The following GSG1L variants were observed in gnomAD, a reference collection of about 807,000 sequenced individuals.
GSG1L encodes GSG1 like, also known as germ cell-specific gene 1-like protein.
A neutral mutation model predicts 42.1 loss-of-function variants in GSG1L; 24 were observed. That is an observed-to-expected ratio of 0.57 (90% confidence interval 0.41 to 0.80). The LOEUF is 0.80. Ranked by LOEUF, GSG1L falls within the 30% of genes least tolerant of loss-of-function variation. The pLI, the probability that GSG1L is intolerant of heterozygous loss-of-function variation, is 0.00. For missense variants in GSG1L, 445 were observed against 472.2 expected (o/e 0.94, Z 0.53); for synonymous variants, 215 against 203.5 (o/e 1.06, Z -0.48).
rs2082722645 is a variant in GSG1L, at chr16:27,789,098, G to A, written c.*2272C>T. ...GAGGATGGATGGAAGTCTGATACAA[G>A]GAAGGATGACAAGCAATCAATAGAA... On this transcript the variant is annotated 3_prime_UTR_variant, in exon 7 of 7. Transcript: ENST00000447459. The A allele has an allele frequency of 6.6e-6, 1 of 152,200 alleles. No individual in the cohort carries two copies. Among genetic ancestry groups the A allele is most frequent in the Admixed American group, 6.5e-5 (1 of 15,270 alleles). 9.4% of individuals were successfully genotyped at this position (152,200 alleles called of 1,614,324 possible). A position where few individuals can be genotyped will look rare whatever the true frequency, so the allele number is the denominator to read the frequency against.
intron 2 of GSG1L, among the ~76,000 whole-genome samples, chr16:27,896,418 A>G (rs1199611622): frequency 6.6e-6 from 1 of 152,196 alleles, no homozygotes; most frequent in African/African-American, 2.4e-5. Flanking sequence ...GACATGATTA[A>G]GATCTTGAGA....
At chr16:27,803,800 G>GATATATATATATATAGATATAT (rs1406574562) in intron 6 of GSG1L, among the ~76,000 whole-genome samples, 91 of 74,208 alleles carry the variant, frequency 1.2e-3, no homozygotes, top group African/African-American at 4.3e-3. Flanking sequence ...TATATAGATA[G>GATATATATATATATAGATATAT]ATAGATATAG....
At position 27,807,478 on chromosome 16, in the gene GSG1L, G is replaced by T. The variant is rs369998202; in HGVS notation, c.898+9C>A. 3 of 1,610,762 alleles carry T rather than the reference G, an allele frequency of 1.9e-6. No homozygotes were observed. Among genetic ancestry groups the T allele is most frequent in the Non-Finnish European group, 2.5e-6 (3 of 1,178,020 alleles). On this transcript the variant is annotated intron_variant, in intron 6 of 6. Coordinates refer to ENST00000447459, the MANE Select transcript of GSG1L (RefSeq NM_001109763.2). ...TGTCGTAGCAGATACCCACAAACAG[G>T]CCACTTACGGGCAGGGTATCTCTCG...
At chr16:28,062,558 C>T (rs2086354344) in intron 1 of GSG1L, among the ~76,000 whole-genome samples, 1 of 152,146 alleles carries the variant, frequency 6.6e-6, no homozygotes, top group African/African-American at 2.4e-5. Flanking sequence ...CTGGGAGGTT[C>T]GGCGTGGGTT....
chr16:27,957,147 G>T (rs988621232), intron 2 of GSG1L, among the ~76,000 whole-genome samples: 3 of 152,140 alleles, frequency 2.0e-5, no homozygotes, highest in Non-Finnish European at 2.9e-5. Context: ...TCAGGAGGTC[G>T]AGATCAGCCT....
At chr16:27,810,873 G>A (rs908634411) in intron 5 of GSG1L, among the ~76,000 whole-genome samples, 1 of 152,078 alleles carries the variant, frequency 6.6e-6, no homozygotes, top group Admixed American at 6.6e-5. Flanking sequence ...TTTTAGTAGA[G>A]ATGGGGGTCT....
At chr16:27,845,308 C>T (rs1382344571) in intron 3 of GSG1L, among the ~76,000 whole-genome samples, 1 of 152,190 alleles carries the variant, frequency 6.6e-6, no homozygotes, top group Non-Finnish European at 1.5e-5. Flanking sequence ...TGCAGTGGCA[C>T]GATCATAGCT....
chr16:27,823,321 A>T (rs1295926954), intron 5 of GSG1L, among the ~76,000 whole-genome samples: 3 of 152,160 alleles, frequency 2.0e-5, no homozygotes, highest in Admixed American at 2.0e-4. Flanking sequence ...GTGCACATGC[A>T]TACGCACACG....
At chr16:27,835,105 T>C (rs2083310044) in intron 4 of GSG1L, among the ~76,000 whole-genome samples, 1 of 152,170 alleles carries the variant, frequency 6.6e-6, no homozygotes, top group Non-Finnish European at 1.5e-5. Context: ...AAAGCCATAT[T>C]GAAATCTCTA....
chr16:27,823,906 G>T (rs1195970418), intron 5 of GSG1L: 3 of 702,786 alleles, frequency 4.3e-6, no homozygotes, highest in Non-Finnish European at 5.2e-6. Flanking sequence ...TCTGTGCCTC[G>T]ATTTGCCACC....
At chr16:27,985,457 C>T (rs897591789) in intron 1 of GSG1L, among the ~76,000 whole-genome samples, 1 of 152,218 alleles carries the variant, frequency 6.6e-6, no homozygotes, top group African/African-American at 2.4e-5. Flanking sequence ...TGATTGGAAA[C>T]TTCCTGCAGT....
chr16:27,823,739 C>T, intron 5 of GSG1L: 1 of 649,626 alleles, frequency 1.5e-6, no homozygotes, highest in Non-Finnish European at 2.8e-6. Context: ...ACTCCCTTTA[C>T]TCTCATTGTG....
At chr16:27,894,186 G>A (rs2084162909) in intron 2 of GSG1L, among the ~76,000 whole-genome samples, 1 of 152,230 alleles carries the variant, frequency 6.6e-6, no homozygotes, top group Non-Finnish European at 1.5e-5. Flanking sequence ...CTTCTCATCT[G>A]CAAATTGGGC....
chr16:27,811,680 G>T (rs958677435), intron 5 of GSG1L, among the ~76,000 whole-genome samples: 1 of 152,124 alleles, frequency 6.6e-6, no homozygotes, highest in Non-Finnish European at 1.5e-5. Context: ...ACGGAGTCTC[G>T]CTCTGTCGCC....
At chr16:27,929,735 A>T (rs2084634978) in intron 2 of GSG1L, among the ~76,000 whole-genome samples, 2 of 152,136 alleles carry the variant, frequency 1.3e-5, no homozygotes, top group African/African-American at 4.8e-5. Context: ...TGCTGCTGTT[A>T]CTGATACATC....
At chr16:27,813,669 G>A (rs773149131) in intron 5 of GSG1L, among the ~76,000 whole-genome samples, 15 of 152,226 alleles carry the variant, frequency 9.9e-5, no homozygotes, top group Non-Finnish European at 1.5e-4. Flanking sequence ...AGCAAGACAC[G>A]GGATCTGCAG....
At chr16:28,043,811 C>G (rs1257952157) in intron 1 of GSG1L, among the ~76,000 whole-genome samples, 1 of 151,232 alleles carries the variant, frequency 6.6e-6, no homozygotes, top group Non-Finnish European at 1.5e-5. Context: ...TGCCTGAGCC[C>G]AGGAGTTCGA....
intron 2 of GSG1L, among the ~76,000 whole-genome samples, chr16:27,908,703 C>A (rs1243697572): frequency 6.6e-6 from 1 of 152,190 alleles, no homozygotes; most frequent in Non-Finnish European, 1.5e-5. Context: ...TTAATCCATT[C>A]ATGAGGATGG....
intron 1 of GSG1L, among the ~76,000 whole-genome samples, chr16:28,029,527 G>GA (rs2085933250): frequency 7.9e-6 from 1 of 125,942 alleles, no homozygotes; most frequent in South Asian, 2.5e-4. Context: ...ATGGGTGCAT[G>GA]AAGGGATGGA....
Sources: gnomAD v4.1 joint callset for allele counts (sites outside exome capture counted in the v4.1 genomes callset) on GRCh38, gnomAD v4.1.1 for gene constraint, MANE v1.5 for transcripts, NCBI Gene and HGNC (gene_info 2026-07-23, HGNC 2026-07-21) for gene names.